Variants in NF1 observed in about 807,000 individuals in gnomAD.
NF1 encodes neurofibromin.
NF1 carries 122 observed loss-of-function variants against 325.7 expected under a neutral mutation model. The observed-to-expected ratio is 0.37, with a 90% CI of 0.32 to 0.44. The LOEUF is 0.44. Among genes scored for constraint, NF1 ranks in the 20% least tolerant of loss-of-function variants. NF1 has a pLI of 1.00. For missense variants in NF1, 2,140 were observed against 3,415.4 expected (o/e 0.63, Z 9.31); for synonymous variants, 1,091 against 1,186.0 (o/e 0.92, Z 1.65).
chr17:31,270,893 A>G (rs1007515393), intron 36 of NF1, among the ~76,000 whole-genome samples: 9 of 152,232 alleles, frequency 5.9e-5, no homozygotes, highest in South Asian at 2.1e-4. Context: ...GGAACATTAA[A>G]ACAAACATAT....
chr17:31,225,399 G>A (rs778693945), intron 17 of NF1, 149 bp downstream of exon 17: 88 of 861,686 alleles, frequency 1.0e-4, no homozygotes, highest in Non-Finnish European at 9.4e-5. Context: ...TGGAACTTTG[G>A]GCAAGTTCTT....
rs371773406 is a variant in NF1, at chr17:31,352,286, C to G, written c.7487C>G (p.Ser2496Cys). 1.9e-6 allele frequency: 3 copies of G among 1,614,008 alleles called. No individual in the cohort carries two copies. The African/African-American group carries it at 4.0e-5, about 22-fold the overall frequency. ...RTLKETQPWS[S>C]PKGSEGYLAA... ...CTAAAGGAGACTCAGCCATGGTCCTCTCCCAAAGGTTCTGAAGGATACCTT... is the reference window on the plus strand; with the variant it reads ...CTAAAGGAGACTCAGCCATGGTCCTGTCCCAAAGGTTCTGAAGGATACCTT... The change falls in exon 51 of 58, where the codon TCT becomes TGT. Residue 2496 changes from serine to cysteine, a missense_variant. Transcript: ENST00000358273.
chr17:31,111,540 G>A (rs4559963), intron 1 of NF1, among the ~76,000 whole-genome samples: 81,413 of 151,972 alleles, frequency 0.54, 25,723 homozygotes, highest in Middle Eastern at 0.76. Flanking sequence ...TCAAAGGAAC[G>A]ATATAATACA....
chr17:31,221,790 GT>G, intron 14 of NF1, 59 bp from the exon 15 acceptor site: 1 of 1,225,166 alleles, frequency 8.2e-7, no homozygotes, highest in Non-Finnish European at 1.2e-6. Flanking sequence ...CCAGTGTTAT[GT>G]TTACCAAAAA....
chr17:31,255,444 T>C lies in NF1; in HGVS notation c.4173+2444T>C, dbSNP rs535835415. 4.5e-4 allele frequency among the ~76,000 whole-genome samples: 69 copies of C among 152,312 alleles called. 2 individuals carry two copies. The South Asian group carries it at 0.014, about 32-fold the overall frequency. On this transcript the variant is annotated intron_variant, in intron 31 of 57. Coordinates refer to ENST00000358273, the MANE Select transcript of NF1 (RefSeq NM_001042492.3). ...GAAAAAAAAACAGTCCTTTTATAAG[T>C]TGACTTACGAAACTTGTTATGTAGC...
intron 48 of NF1, chr17:31,345,538 G>C: frequency 1.3e-6 from 2 of 1,556,222 alleles, no homozygotes; most frequent in Non-Finnish European, 1.7e-6. Context: ...AAACTCCTGC[G>C]CGCGGTCATC....
chr17:31,118,938 CTT>C (rs35974893), intron 1 of NF1, among the ~76,000 whole-genome samples: 1 of 146,372 alleles, frequency 6.8e-6, no homozygotes, highest in East Asian at 2.0e-4. Context: ...GTCTCTCTCT[CTT>C]TTTTTTTTTT....
intron 1 of NF1, among the ~76,000 whole-genome samples, chr17:31,141,378 G>A (rs1916202769): frequency 6.6e-6 from 1 of 151,562 alleles, no homozygotes; most frequent in Non-Finnish European, 1.5e-5. Context: ...AGACATCTAT[G>A]TGATTTTAGG....
intron 48 of NF1, among the ~76,000 whole-genome samples, chr17:31,343,412 G>A (rs2069880486): frequency 6.6e-6 from 1 of 151,986 alleles, no homozygotes; most frequent in African/African-American, 2.4e-5. Flanking sequence ...AGGCATGGTG[G>A]CACGTGCTTG....
intron 36 of NF1, chr17:31,295,268 A>G (rs769902507): frequency 2.5e-6 from 4 of 1,614,084 alleles, no homozygotes; most frequent in East Asian, 2.2e-5. Context: ...TTGGAGATGA[A>G]TAGTTAGAGT....
chr17:31,261,903 G>C (rs748568069), intron 35 of NF1, 46 bp downstream of exon 35: 1 of 1,605,970 alleles, frequency 6.2e-7, no homozygotes, highest in Non-Finnish European at 8.5e-7. Context: ...TTTTGGTTGA[G>C]AAGGAGAGTT....
intron 30 of NF1, chr17:31,250,924 T>C (rs1206294111): frequency 5.3e-6 from 1 of 190,362 alleles, no homozygotes; most frequent in Non-Finnish European, 1.1e-5. Context: ...TTTAAAAACA[T>C]GAATTAAAGG....
At chr17:31,273,862 A>C (rs1231964035) in intron 36 of NF1, among the ~76,000 whole-genome samples, 1 of 152,170 alleles carries the variant, frequency 6.6e-6, no homozygotes, top group Admixed American at 6.5e-5. Context: ...TCCTCTTACC[A>C]TGTATACATT....
In NF1 at chr17:31,181,736, T is replaced by C. The variant is rs745804540; in HGVS notation, c.681T>C (p.Tyr227=). The C allele has an allele frequency of 1.9e-6, 3 of 1,610,046 alleles. No homozygotes were observed. Among genetic ancestry groups the C allele is most frequent in the Non-Finnish European group, 2.5e-6 (3 of 1,176,502 alleles). The change falls in exon 7 of 58, where the codon TAT becomes TAC. Residue 227 remains tyrosine, a synonymous_variant. Coordinates refer to ENST00000358273, the MANE Select transcript of NF1 (RefSeq NM_001042492.3). ...EKAFWNWVEN[Y]PDEFTKLYQI... is the part of the protein sequence containing the mutation. ...CATTTTGGAACTGGGTAGAAAATTATCCAGATGAATTTACAAAACTGTACC... is the reference window on the plus strand; with the variant it reads ...CATTTTGGAACTGGGTAGAAAATTACCCAGATGAATTTACAAAACTGTACC...
At chr17:31,184,671 AAT>A in intron 8 of NF1, among the ~76,000 whole-genome samples, 1 of 149,400 alleles carries the variant, frequency 6.7e-6, no homozygotes, top group Non-Finnish European at 1.5e-5. Context: ...AAAAAAAAAA[AAT>A]AAAAAAATAA....
intron 5 of NF1, among the ~76,000 whole-genome samples, chr17:31,181,164 C>CT (rs1221456452): frequency 6.6e-6 from 1 of 151,816 alleles, no homozygotes; most frequent in Non-Finnish European, 1.5e-5. Context: ...GTGTTTTATA[C>CT]TTTTTTTTGA....
intron 36 of NF1, among the ~76,000 whole-genome samples, chr17:31,275,392 C>A (rs11870910): frequency 0.063 from 9,583 of 152,254 alleles, 401 homozygotes; most frequent in Middle Eastern, 0.16. Context: ...CATATCACAT[C>A]ATCACAAGAA....
chr17:31,233,436 G>A (rs17883383), intron 27 of NF1, among the ~76,000 whole-genome samples: 2,101 of 152,202 alleles, frequency 0.014, 44 homozygotes, highest in African/African-American at 0.044. Context: ...CCATTTAAAC[G>A]CATTAAAAAT....
intron 1 of NF1, among the ~76,000 whole-genome samples, chr17:31,118,913 T>TA (rs1914186092): frequency 6.6e-6 from 1 of 151,236 alleles, no homozygotes. Context: ...ACCAACAGTG[T>TA]AAAGGCATTT....
Sources: gnomAD v4.1 joint callset for allele counts (sites outside exome capture counted in the v4.1 genomes callset) on GRCh38, gnomAD v4.1.1 for gene constraint, MANE v1.5 for transcripts, NCBI Gene and HGNC (gene_info 2026-07-23, HGNC 2026-07-21) for gene names.